The following ANKRD44 variants were observed in gnomAD, a reference collection of about 807,000 sequenced individuals.
ANKRD44 encodes ankyrin repeat domain 44.
A neutral mutation model predicts 116.0 loss-of-function variants in ANKRD44; 35 were observed. That is an observed-to-expected ratio of 0.30 (90% confidence interval 0.23 to 0.40). The LOEUF (loss-of-function observed/expected upper bound fraction) is 0.40, where lower values mean the gene tolerates loss of function less well. Ranked by LOEUF, ANKRD44 falls within the 10% of genes least tolerant of loss-of-function variation. The pLI, the probability that ANKRD44 is intolerant of heterozygous loss-of-function variation, is 1.00. For missense variants in ANKRD44, 1,014 were observed against 1,242.6 expected (o/e 0.82, Z 2.77); for synonymous variants, 435 against 461.8 (o/e 0.94, Z 0.74).
intron 1 of ANKRD44, among the ~76,000 whole-genome samples, chr2:197,294,232 C>A (rs555213244): frequency 6.6e-6 from 1 of 152,286 alleles, no homozygotes; most frequent in East Asian, 1.9e-4. Flanking sequence ...AATTTCTTTA[C>A]AAATCTTTTA....
At chr2:197,125,339 T>C in intron 6 of ANKRD44, 42 bp downstream of exon 6, 1 of 1,554,596 alleles carries the variant, frequency 6.4e-7, no homozygotes, top group Non-Finnish European at 8.9e-7. Context: ...CTTATTTAGT[T>C]AAGGTTATCT....
chr2:197,244,562 T>C (rs959046167), intron 1 of ANKRD44, among the ~76,000 whole-genome samples: 1 of 152,226 alleles, frequency 6.6e-6, no homozygotes, highest in Non-Finnish European at 1.5e-5. Context: ...CAAAATACCA[T>C]GTGTTTCATG....
intron 1 of ANKRD44, among the ~76,000 whole-genome samples, chr2:197,265,058 C>T (rs1462576009): frequency 1.3e-5 from 2 of 152,294 alleles, no homozygotes; most frequent in East Asian, 3.9e-4. Context: ...AAACCTCCCA[C>T]AGAATTCCGT....
rs114312289 is a variant in ANKRD44 at position 197,016,942 on chromosome 2, C to T, written c.1723-3230G>A. On this transcript the variant is annotated intron_variant, in intron 17 of 27. Coordinates refer to ENST00000282272, the MANE Select transcript of ANKRD44 (RefSeq NM_001195144.2). ...AACCATTTTAAAAACTAGGAAAATA[C>T]GCAAAAGGCATGAAAAGGCAACTCA... Among the ~76,000 whole-genome samples the T allele has an allele frequency of 9.6e-3, 1,458 of 151,808 alleles. 8 individuals carry two copies. Among genetic ancestry groups the T allele is most frequent in the Middle Eastern group, 0.027 (8 of 294 alleles).
At position 197,254,530 on chromosome 2, in the gene ANKRD44, T is replaced by C. The variant is rs2376298; in HGVS notation, c.27+56048A>G. On this transcript the variant is annotated intron_variant, in intron 1 of 27. Coordinates refer to ENST00000282272, the MANE Select transcript of ANKRD44 (RefSeq NM_001195144.2). ...AATTAATTATTCTCCCTTATGGTTA[T>C]CTTTAAAATTCTTGCAAATGTTCTA... 6.2e-3 allele frequency among the ~76,000 whole-genome samples: 949 copies of C among 152,276 alleles called. 11 individuals are homozygous for C. The highest frequency in any genetic ancestry group is 0.022 in the African/African-American group (896 of 41,546).
At chr2:197,137,101 C>T (rs1008074173) in intron 3 of ANKRD44, among the ~76,000 whole-genome samples, 1 of 152,194 alleles carries the variant, frequency 6.6e-6, no homozygotes, top group Non-Finnish European at 1.5e-5. Context: ...GTTCACCCGC[C>T]TTCCATGACA....
At chr2:197,262,862 G>A (rs1231036391) in intron 1 of ANKRD44, among the ~76,000 whole-genome samples, 3 of 136,972 alleles carry the variant, frequency 2.2e-5, no homozygotes, top group Admixed American at 7.5e-5. Context: ...CCGAGATCAC[G>A]CCACTGCACT....
chr2:197,177,336 A>C (rs897676144), intron 2 of ANKRD44, among the ~76,000 whole-genome samples: 1 of 152,218 alleles, frequency 6.6e-6, no homozygotes, highest in African/African-American at 2.4e-5. Context: ...AAAGAAAAGA[A>C]TTCTACTAAG....
intron 1 of ANKRD44, among the ~76,000 whole-genome samples, chr2:197,254,225 T>C (rs1221932491): frequency 1.3e-5 from 2 of 152,002 alleles, no homozygotes; most frequent in Non-Finnish European, 2.9e-5. Flanking sequence ...AAACCCTATC[T>C]CTACTAAAAA....
chr2:196,989,642 C>A lies in ANKRD44; in HGVS notation c.2931G>T (p.Arg977Ser), dbSNP rs1468139974. ...CAGGTGTGGAACGGGGTCCATTTGA[C>A]CTAGAAGCTTTGGCAGAGGGAGCAG... ...CVLAVDENAS[R>S]SNGPRSTPGT... Residue 977 changes from arginine to serine, a missense_variant, in exon 28 of 28, where the codon AGG becomes AGT. Physicochemically the swap from Arg to Ser is moderately radical, Grantham distance 110. Coordinates refer to ENST00000282272, the MANE Select transcript of ANKRD44 (RefSeq NM_001195144.2). 1.9e-6 allele frequency: 3 copies of A among 1,550,084 alleles called. No individual in the cohort carries two copies. The highest frequency in any genetic ancestry group is 1.7e-6 in the Non-Finnish European group (2 of 1,146,796).
In ANKRD44 at chr2:197,171,175, C is replaced by A. The variant is rs370838844; in HGVS notation, c.111+15848G>T. On this transcript the variant is annotated intron_variant, in intron 2 of 27. Transcript: ENST00000282272. ...CATCTGAACCACAGAAGACCCCCAG[C>A]CCTTAGGAGTACAGAGGTGAATCTG... is the stretch of plus-strand genomic sequence containing the variant. Among the ~76,000 whole-genome samples, 224 of 152,300 alleles carry A rather than the reference C, an allele frequency of 1.5e-3. 1 individual carries two copies. The highest frequency in any genetic ancestry group is 5.2e-3 in the African/African-American group (217 of 41,556).
At chr2:197,029,732 G>T (rs1316861594) in intron 16 of ANKRD44, 4 of 282,002 alleles carry the variant, frequency 1.4e-5, no homozygotes, top group Non-Finnish European at 2.8e-5. Context: ...GTTCTTATTT[G>T]CTGAGAGGCA....
At chr2:197,174,667 A>C (rs988048624) in intron 2 of ANKRD44, among the ~76,000 whole-genome samples, 16 of 152,352 alleles carry the variant, frequency 1.1e-4, no homozygotes, top group Non-Finnish European at 2.1e-4. Flanking sequence ...AAGAGGCTTC[A>C]GCTCTGTTCA....
At chr2:197,273,992 T>TCTATATAG (rs2082995388) in intron 1 of ANKRD44, among the ~76,000 whole-genome samples, 1 of 16,878 alleles carries the variant, frequency 5.9e-5, no homozygotes, top group Non-Finnish European at 1.2e-4. Context: ...TATATATATA[T>TCTATATAG]ATATATATAT....
chr2:197,094,852 T>C (rs558040388), intron 10 of ANKRD44, among the ~76,000 whole-genome samples: 2 of 152,328 alleles, frequency 1.3e-5, no homozygotes, highest in South Asian at 4.1e-4. Flanking sequence ...GAACAGATGT[T>C]TTCAGTGGTT....
At position 197,009,133 on chromosome 2, in the gene ANKRD44, C is replaced by T. The variant is rs559866258; in HGVS notation, c.1925-102G>A. ...TTTGAGATGGAGTCTTGCTCTGTCG[C>T]CAGGCTGGAGTGCAGTGGGGCGATG... is the stretch of plus-strand genomic sequence containing the variant. On this transcript the variant is annotated intron_variant, in intron 18 of 27. Coordinates refer to ENST00000282272, the MANE Select transcript of ANKRD44 (RefSeq NM_001195144.2). The T allele has an allele frequency of 2.3e-4, 217 of 954,630 alleles. 2 individuals are homozygous for T. The African/African-American group carries it at 2.6e-3, about 11-fold the overall frequency. The allele number at this position is 954,630 out of a possible 1,614,324, so 59.1% of individuals were successfully genotyped here. A position where few individuals can be genotyped will look rare whatever the true frequency, so the allele number is the denominator to read the frequency against.
chr2:197,185,450 G>A (rs540416549), intron 2 of ANKRD44, among the ~76,000 whole-genome samples: 48 of 152,336 alleles, frequency 3.2e-4, no homozygotes, highest in African/African-American at 1.1e-3. Context: ...TTACACTGAA[G>A]ATGTAGTTGA....
At chr2:197,227,476 TAA>T (rs2125751336) in intron 1 of ANKRD44, among the ~76,000 whole-genome samples, 1 of 152,294 alleles carries the variant, frequency 6.6e-6, no homozygotes, top group African/African-American at 2.4e-5. Context: ...CACCTCCTGG[TAA>T]ACACGACTGA....
chr2:196,990,076 T>C lies in ANKRD44; in HGVS notation c.2924-427A>G, dbSNP rs1185942423. 5.9e-6 allele frequency: 6 copies of C among 1,010,228 alleles called. No homozygotes were observed. In the Admixed American group the frequency reaches 3.4e-4, roughly 57 times the overall value. 62.6% of individuals were successfully genotyped at this position (1,010,228 alleles called of 1,614,324 possible). ...AGCAAGTTCAATTTTTCAATTCATC[T>C]GGCAACTTTAACAGAGATCCTCAGA... On this transcript the variant is annotated intron_variant, in intron 27 of 27. Coordinates refer to ENST00000282272, the MANE Select transcript of ANKRD44 (RefSeq NM_001195144.2).
Sources: gnomAD v4.1 joint callset for allele counts (sites outside exome capture counted in the v4.1 genomes callset) on GRCh38, gnomAD v4.1.1 for gene constraint, MANE v1.5 for transcripts, NCBI Gene and HGNC (gene_info 2026-07-23, HGNC 2026-07-21) for gene names.